Variants in GSG1L observed in about 807,000 individuals in gnomAD.
GSG1L encodes GSG1 like.
In GSG1L, 24 loss-of-function variants were observed where a neutral mutation model predicts 42.1. That is an observed-to-expected ratio of 0.57 (90% confidence interval 0.41 to 0.80). The LOEUF (loss-of-function observed/expected upper bound fraction) is 0.80, where lower values mean the gene tolerates loss of function less well. GSG1L is among the 30% of genes least tolerant of loss of function. GSG1L has a pLI of 0.00. For synonymous variants in GSG1L, 215 were observed against 203.5 expected (o/e 1.06, Z -0.48); for missense variants, 445 against 472.2 (o/e 0.94, Z 0.53).
At chr16:27,851,235 T>C (rs182974946) in intron 3 of GSG1L, among the ~76,000 whole-genome samples, 116 of 152,312 alleles carry the variant, frequency 7.6e-4, no homozygotes, top group Admixed American at 5.9e-4. Flanking sequence ...CTCGCTCTGT[T>C]GCCCGGGCTG....
At chr16:27,956,453 G>A (rs117627725) in intron 2 of GSG1L, among the ~76,000 whole-genome samples, 12 of 152,288 alleles carry the variant, frequency 7.9e-5, no homozygotes, top group East Asian at 3.9e-4. Context: ...GGTCAGGTCC[G>A]GGTGTGGTCA....
chr16:27,858,827 A>T (rs1188034770), intron 3 of GSG1L, among the ~76,000 whole-genome samples: 1 of 152,232 alleles, frequency 6.6e-6, no homozygotes, highest in Non-Finnish European at 1.5e-5. Flanking sequence ...TGAAGTTCAC[A>T]GTTTAATAAA....
At chr16:28,017,495 G>C (rs112115149) in intron 1 of GSG1L, among the ~76,000 whole-genome samples, 39 of 152,234 alleles carry the variant, frequency 2.6e-4, no homozygotes, top group African/African-American at 9.2e-4. Context: ...ACTCTTCCCT[G>C]TGGCACCCTG....
At chr16:27,820,007 G>A (rs2083134782) in intron 5 of GSG1L, among the ~76,000 whole-genome samples, 1 of 152,184 alleles carries the variant, frequency 6.6e-6, no homozygotes, top group Non-Finnish European at 1.5e-5. Flanking sequence ...CTTGTGGTGA[G>A]CGGGAGGGTC....
At position 27,791,269 on chromosome 16, in the gene GSG1L, G is replaced by A. The variant is rs548057361; in HGVS notation, c.*101C>T. 6 of 723,812 alleles carry A rather than the reference G, an allele frequency of 8.3e-6. No homozygotes were observed. In the East Asian group the frequency reaches 9.3e-5, roughly 11 times the overall value. 44.8% of individuals were successfully genotyped at this position (723,812 alleles called of 1,614,324 possible). A position where few individuals can be genotyped will look rare whatever the true frequency, so the allele number is the denominator to read the frequency against. The stretch of plus-strand genomic sequence containing the variant: ...TCCCACGCAGGCTGACTGAGTTCAC[G>A]GCACACAGGCCAGGGTTCTGGGGGC... On this transcript the variant is annotated 3_prime_UTR_variant, in exon 7 of 7. Transcript: ENST00000447459.
intron 2 of GSG1L, among the ~76,000 whole-genome samples, chr16:27,944,783 A>G (rs909178685): frequency 2.0e-5 from 3 of 151,982 alleles, no homozygotes; most frequent in Non-Finnish European, 4.4e-5. Context: ...AGAGATAGAA[A>G]GTAGATCAGG....
chr16:27,906,934 C>T (rs1368138460), intron 2 of GSG1L, among the ~76,000 whole-genome samples: 1 of 152,120 alleles, frequency 6.6e-6, no homozygotes, highest in Non-Finnish European at 1.5e-5. Flanking sequence ...TGGGCCAGCC[C>T]AGCATCCCTC....
rs1354932101 is a variant in GSG1L, at chr16:27,807,382, G to C, written c.898+105C>G. The C allele has an allele frequency of 3.6e-6, 3 of 831,336 alleles. No homozygotes were observed. In the African/African-American group the frequency reaches 5.1e-5, roughly 14 times the overall value. 51.5% of individuals were successfully genotyped at this position (831,336 alleles called of 1,614,324 possible). ...GTAACGTGTTTGTGGGAGAATGCAG[G>C]GTGCAGTGGGGGGTGGGGGCTGGCC... On this transcript the variant is annotated intron_variant, in intron 6 of 6. Coordinates refer to ENST00000447459, the MANE Select transcript of GSG1L (RefSeq NM_001109763.2).
At chr16:27,852,056 C>T (rs1045310294) in intron 3 of GSG1L, among the ~76,000 whole-genome samples, 14 of 152,356 alleles carry the variant, frequency 9.2e-5, no homozygotes, top group African/African-American at 2.9e-4. Flanking sequence ...GAATGCCACG[C>T]TCCATTTAAT....
chr16:27,796,570 G>A (rs781264910), intron 6 of GSG1L, among the ~76,000 whole-genome samples: 8 of 152,334 alleles, frequency 5.3e-5, no homozygotes, highest in African/African-American at 9.6e-5. Flanking sequence ...TTGAAAGCAC[G>A]TGTCTGCAGA....
At chr16:27,913,291 T>C (rs16977047) in intron 2 of GSG1L, among the ~76,000 whole-genome samples, 38,185 of 152,060 alleles carry the variant, frequency 0.25, 5,106 homozygotes, top group Non-Finnish European at 0.29. Context: ...ACTGAACAAA[T>C]GCAAGGGAAT....
chr16:27,933,307 G>A (rs1315994042), intron 2 of GSG1L, among the ~76,000 whole-genome samples: 2 of 152,090 alleles, frequency 1.3e-5, no homozygotes, highest in Non-Finnish European at 2.9e-5. Context: ...CATGAGGGCA[G>A]GGCCCTAGAA....
At chr16:27,875,096 C>A (rs533284717) in intron 3 of GSG1L, among the ~76,000 whole-genome samples, 1 of 152,164 alleles carries the variant, frequency 6.6e-6, no homozygotes, top group African/African-American at 2.4e-5. Context: ...CCACACCAGG[C>A]GTCATCTGTG....
intron 2 of GSG1L, among the ~76,000 whole-genome samples, chr16:27,888,579 CT>C (rs2084083356): frequency 7.2e-6 from 1 of 139,478 alleles, no homozygotes; most frequent in African/African-American, 2.7e-5. Context: ...TTCTTTCTTT[CT>C]TTCTCCGTCT....
intron 5 of GSG1L, among the ~76,000 whole-genome samples, chr16:27,828,085 T>G (rs2083233863): frequency 6.7e-6 from 1 of 150,018 alleles, no homozygotes; most frequent in Non-Finnish European, 1.5e-5. Flanking sequence ...CATCCATCCA[T>G]CCATCACCTA....
intron 1 of GSG1L, among the ~76,000 whole-genome samples, chr16:28,027,083 A>T (rs1030705646): frequency 1.3e-5 from 2 of 152,222 alleles, no homozygotes; most frequent in African/African-American, 2.4e-5. Flanking sequence ...CTTCAGGGAC[A>T]CACAGCAGTG....
intron 2 of GSG1L, among the ~76,000 whole-genome samples, chr16:27,958,694 G>A (rs920626366): frequency 6.6e-6 from 1 of 151,344 alleles, no homozygotes; most frequent in Admixed American, 6.6e-5. Context: ...TCTTTTTTTT[G>A]AGACAGAGTC....
chr16:28,017,429 A>T lies in GSG1L; in HGVS notation c.349+45647T>A, dbSNP rs912990818. Among the ~76,000 whole-genome samples the T allele has an allele frequency of 1.3e-5, 2 of 152,236 alleles. 1 individual carries two copies. The highest frequency in any genetic ancestry group is 4.1e-4 in the South Asian group (2 of 4,834). On this transcript the variant is annotated intron_variant, in intron 1 of 6. Transcript: ENST00000447459. ...CTTCTTGGCGTTATCTAATGAAAGTAATACGTCTTTCCCTGTGATCCAGCA... is the reference window on the plus strand; with the variant it reads ...CTTCTTGGCGTTATCTAATGAAAGTTATACGTCTTTCCCTGTGATCCAGCA...
At chr16:27,807,984 C>T (rs946649697) in intron 5 of GSG1L, among the ~76,000 whole-genome samples, 1 of 152,216 alleles carries the variant, frequency 6.6e-6, no homozygotes, top group Non-Finnish European at 1.5e-5. Flanking sequence ...GTGATTATCC[C>T]TACATAATGA....
Sources: gnomAD v4.1 joint callset for allele counts (sites outside exome capture counted in the v4.1 genomes callset) on GRCh38, gnomAD v4.1.1 for gene constraint, MANE v1.5 for transcripts, NCBI Gene and HGNC (gene_info 2026-07-23, HGNC 2026-07-21) for gene names.